TOMM20: variants seen among roughly 807,000 people sequenced by gnomAD.
TOMM20 encodes the protein mitochondrial import receptor subunit TOM20 homolog.
Under a neutral mutation model 22.1 loss-of-function variants are expected in TOMM20, and 10 were observed. The observed-to-expected ratio is 0.45, with a 90% confidence interval of 0.28 to 0.77. The LOEUF is 0.77. TOMM20 is among the 30% of genes least tolerant of loss of function. The pLI is 0.13. For synonymous variants in TOMM20, 55 were observed against 61.4 expected (o/e 0.90, Z 0.49); for missense variants, 121 against 172.2 (o/e 0.70, Z 1.66).
In TOMM20 at chr1:235,128,625, C is replaced by CA; in HGVS notation, c.90dup (p.Asp31Ter). The CA allele has an allele frequency of 6.2e-7, 1 of 1,613,320 alleles. No homozygotes were observed. The highest frequency in any genetic ancestry group is 8.5e-7 in the Non-Finnish European group (1 of 1,179,944). Reference sequence around the variant, plus strand: ...CGAAGCCTGTTCTTGAAGTTGGGGTCACTTCGTCTTTTGCGGTCGAAGTAG... The same window carrying CA: ...CGAAGCCTGTTCTTGAAGTTGGGGTCAACTTCGTCTTTTGCGGTCGAAGTAG... On this transcript the variant is annotated frameshift_variant, in exon 1 of 5. Coordinates refer to ENST00000366607, the MANE Select transcript of TOMM20 (RefSeq NM_014765.3). LOFTEE classifies it high-confidence loss of function.
chr1:235,121,703 C>G (rs1351993917), intron 2 of TOMM20, among the ~76,000 whole-genome samples: 1 of 152,206 alleles, frequency 6.6e-6, no homozygotes, highest in Non-Finnish European at 1.5e-5. Context: ...AAAGGAAAAG[C>G]TGCAAGCACA....
At chr1:235,113,206 A>G (rs1053806166) in intron 4 of TOMM20, among the ~76,000 whole-genome samples, 3 of 152,228 alleles carry the variant, frequency 2.0e-5, no homozygotes, top group Non-Finnish European at 2.9e-5. Flanking sequence ...TAATTTACAC[A>G]TAAGTTAATC....
chr1:235,120,137 TA>T (rs1660904135), intron 2 of TOMM20, among the ~76,000 whole-genome samples: 1 of 152,248 alleles, frequency 6.6e-6, no homozygotes, highest in Non-Finnish European at 1.5e-5. Context: ...AACTCGAATG[TA>T]AAGAGAAAAG....
At chr1:235,125,161 C>A (rs982015829) in intron 1 of TOMM20, among the ~76,000 whole-genome samples, 5 of 152,190 alleles carry the variant, frequency 3.3e-5, no homozygotes, top group African/African-American at 1.2e-4. Flanking sequence ...ATTAGGATCC[C>A]AAATTTAACC....
At chr1:235,115,544 T>G (rs1319474449) in intron 3 of TOMM20, among the ~76,000 whole-genome samples, 6 of 151,974 alleles carry the variant, frequency 3.9e-5, no homozygotes, top group Non-Finnish European at 1.5e-5. Context: ...GGAGAATTGC[T>G]TGAACCCGGG....
chr1:235,114,734 G>A (rs1296416442), intron 3 of TOMM20, among the ~76,000 whole-genome samples: 1 of 152,044 alleles, frequency 6.6e-6, no homozygotes, highest in Non-Finnish European at 1.5e-5. Context: ...ACCACGCCCA[G>A]CCTATTTTAT....
intron 2 of TOMM20, among the ~76,000 whole-genome samples, chr1:235,120,533 A>C (rs1660913692): frequency 1.3e-5 from 2 of 151,594 alleles, no homozygotes; most frequent in Non-Finnish European, 2.9e-5. Context: ...CCAAAGTGCT[A>C]GGATTACAGG....
intron 3 of TOMM20, among the ~76,000 whole-genome samples, chr1:235,117,373 GC>G (rs1477605717): frequency 2.0e-5 from 3 of 149,530 alleles, no homozygotes; most frequent in African/African-American, 7.4e-5. Flanking sequence ...CAGGAGAATC[GC>G]TTGAACCCGG....
chr1:235,118,047 G>A (rs1244920002), intron 3 of TOMM20, among the ~76,000 whole-genome samples: 1 of 152,192 alleles, frequency 6.6e-6, no homozygotes, highest in Non-Finnish European at 1.5e-5. Context: ...CAAAAGACTG[G>A]CTAAGTCAGT....
rs1454244523 is a variant in TOMM20, at chr1:235,113,089, A to G, written c.393+679T>C. On this transcript the variant is annotated intron_variant, in intron 4 of 4. Transcript: ENST00000366607. ...ATCATTCACTGTTTTAATCACACCAACTTGGGAAATCAACACTTGTAACAG... is the reference window on the plus strand; with the variant it reads ...ATCATTCACTGTTTTAATCACACCAGCTTGGGAAATCAACACTTGTAACAG... Among the ~76,000 whole-genome samples the G allele has an allele frequency of 3.3e-5, 5 of 152,348 alleles. No individual in the cohort carries two copies. The East Asian group carries it at 7.7e-4, about 23-fold the overall frequency.
At chr1:235,125,467 G>A (rs555385177) in intron 1 of TOMM20, among the ~76,000 whole-genome samples, 27 of 151,888 alleles carry the variant, frequency 1.8e-4, no homozygotes, top group Middle Eastern at 3.4e-3. Flanking sequence ...CGCCCGCCTC[G>A]GCCTCCCAAA....
chr1:235,124,586 T>A (rs182975363), intron 1 of TOMM20, among the ~76,000 whole-genome samples: 1 of 152,216 alleles, frequency 6.6e-6, no homozygotes, highest in Non-Finnish European at 1.5e-5. Flanking sequence ...ATCAACTGTA[T>A]GTGAGACATA....
At chr1:235,126,717 T>C (rs962869680) in intron 1 of TOMM20, among the ~76,000 whole-genome samples, 1 of 152,024 alleles carries the variant, frequency 6.6e-6, no homozygotes, top group Non-Finnish European at 1.5e-5. Flanking sequence ...GCAGAATTGC[T>C]TGAACCCGGG....
intron 1 of TOMM20, among the ~76,000 whole-genome samples, chr1:235,126,398 T>C (rs938869724): frequency 2.0e-5 from 3 of 151,774 alleles, no homozygotes; most frequent in Admixed American, 2.0e-4. Flanking sequence ...CCCAAAGTGC[T>C]GAGATTACTA....
At chr1:235,120,405 T>A (rs1018228913) in intron 2 of TOMM20, among the ~76,000 whole-genome samples, 1 of 151,678 alleles carries the variant, frequency 6.6e-6, no homozygotes, top group Non-Finnish European at 1.5e-5. Context: ...CCCGAGTAGC[T>A]GGGTGCCCGC....
At position 235,119,821 on chromosome 1, in the gene TOMM20, G is replaced by T; in HGVS notation, c.247C>A (p.Gln83Lys). The change falls in exon 3 of 5, where the codon CAA becomes AAA. Residue 83 changes from glutamine to lysine, a missense_variant. Gln to Lys is a moderately conservative substitution (Grantham distance 53). Transcript: ENST00000366607. Reference sequence around the variant, plus strand: ...TTAGCTTTTCAATGACTATTACCTTGAGCTAGTAACTCTTCACCAAGCTGT... The same window carrying T: ...TTAGCTTTTCAATGACTATTACCTTTAGCTAGTAACTCTTCACCAAGCTGT... ...EIQLGEELLA[Q>K]GEYEKGVDHL... The T allele has an allele frequency of 6.2e-7, 1 of 1,608,296 alleles. No homozygotes were observed.
At chr1:235,122,154 T>C (rs1348759821) in intron 2 of TOMM20, among the ~76,000 whole-genome samples, 172 bp downstream of exon 2, 1 of 152,206 alleles carries the variant, frequency 6.6e-6, no homozygotes. Flanking sequence ...ATAACTGTCA[T>C]TGGAACTACA....
At position 235,122,315 on chromosome 1, in the gene TOMM20, C is replaced by A; in HGVS notation, c.168+11G>T. 1 of 1,495,514 alleles carries A rather than the reference C, an allele frequency of 6.7e-7. No homozygotes were observed. The highest frequency in any genetic ancestry group is 8.9e-7 in the Non-Finnish European group (1 of 1,123,794). 92.6% of individuals were successfully genotyped at this position (1,495,514 alleles called of 1,614,324 possible). On this transcript the variant is annotated intron_variant, in intron 2 of 4. Coordinates refer to ENST00000366607, the MANE Select transcript of TOMM20 (RefSeq NM_014765.3). ...CAAAATATATAATTTAAACAGAAACCAGACTATTACCTTGGAAAGCCCAGC... is the reference window on the plus strand; with the variant it reads ...CAAAATATATAATTTAAACAGAAACAAGACTATTACCTTGGAAAGCCCAGC...
intron 1 of TOMM20, chr1:235,127,685 A>G (rs1661047804): frequency 5.3e-6 from 2 of 376,526 alleles, no homozygotes; most frequent in African/African-American, 2.1e-5. Context: ...AAGCCAAAAA[A>G]TATTTCTTAT....
Sources: allele counts gnomAD v4.1 joint callset (sites outside exome capture counted in the v4.1 genomes callset), GRCh38; gene constraint gnomAD v4.1.1; transcripts MANE v1.5; gene names NCBI Gene and HGNC (gene_info 2026-07-23, HGNC 2026-07-21).